Variants in MAGI1 observed in about 807,000 individuals in gnomAD.
The protein encoded by MAGI1 is membrane associated guanylate kinase, WW and PDZ domain containing 1.
Under a neutral mutation model 139.9 loss-of-function variants are expected in MAGI1, and 58 were observed. The observed-to-expected ratio is 0.41, with a 90% CI of 0.34 to 0.52. The LOEUF is 0.52. Among genes scored for constraint, MAGI1 ranks in the 20% least tolerant of loss-of-function variants. The probability of loss-of-function intolerance (pLI) is 0.12; values close to 1 mark genes in which losing one functional copy is unlikely to be tolerated. For missense variants in MAGI1, 1,874 were observed against 1,901.6 expected (o/e 0.99, Z 0.27); for synonymous variants, 812 against 737.9 (o/e 1.10, Z -1.63).
intron 2 of MAGI1, among the ~76,000 whole-genome samples, chr3:65,564,738 TA>T (rs1272388262): frequency 6.6e-6 from 1 of 152,200 alleles, no homozygotes; most frequent in Non-Finnish European, 1.5e-5. Flanking sequence ...AACCTGCAGC[TA>T]GGGTCTTTAG....
chr3:65,389,267 G>C (rs1471723888), intron 14 of MAGI1, among the ~76,000 whole-genome samples: 1 of 151,864 alleles, frequency 6.6e-6, no homozygotes, highest in Non-Finnish European at 1.5e-5. Flanking sequence ...ATTTGATTAA[G>C]TCAAATTCTT....
chr3:65,666,123 T>C (rs2086502977), intron 1 of MAGI1, among the ~76,000 whole-genome samples: 1 of 152,176 alleles, frequency 6.6e-6, no homozygotes, highest in South Asian at 2.1e-4. Context: ...TAATCACAGA[T>C]ACACTGACTC....
At chr3:65,697,135 A>G (rs576240155) in intron 1 of MAGI1, among the ~76,000 whole-genome samples, 1 of 152,266 alleles carries the variant, frequency 6.6e-6, no homozygotes, top group East Asian at 1.9e-4. Flanking sequence ...AGAAATGGAT[A>G]AATTCCTCAA....
intron 1 of MAGI1, among the ~76,000 whole-genome samples, chr3:65,887,785 A>C (rs965230972): frequency 6.6e-6 from 1 of 152,196 alleles, no homozygotes; most frequent in Non-Finnish European, 1.5e-5. Flanking sequence ...TCAAGACCAC[A>C]TGAGGATATG....
chr3:65,673,298 C>G lies in MAGI1; in HGVS notation c.314-51210G>C, dbSNP rs1455601637. ...GATCTGGAGGTGAAGCCTAAAATAA[C>G]TGCCTCAAATTTCCTGATGTCTTAG... On this transcript the variant is annotated intron_variant, in intron 1 of 22. Coordinates refer to ENST00000402939, the MANE Select transcript of MAGI1 (RefSeq NM_001033057.2). Among the ~76,000 whole-genome samples the G allele has an allele frequency of 2.0e-5, 3 of 152,326 alleles. No individual in the cohort carries two copies. In the South Asian group the frequency reaches 6.2e-4, roughly 32 times the overall value.
At chr3:65,858,086 G>A (rs112856194) in intron 1 of MAGI1, among the ~76,000 whole-genome samples, 2,897 of 151,306 alleles carry the variant, frequency 0.019, 42 homozygotes, top group Non-Finnish European at 0.03. Context: ...TCCAGCCTGG[G>A]TGACAGAGAG....
intron 1 of MAGI1, among the ~76,000 whole-genome samples, chr3:65,742,334 G>T (rs1180987649): frequency 6.6e-6 from 1 of 152,104 alleles, no homozygotes; most frequent in Admixed American, 6.5e-5. Context: ...GACAATGAAT[G>T]CATCTTTTTC....
intron 12 of MAGI1, among the ~76,000 whole-genome samples, chr3:65,427,399 TA>T (rs1186595104): frequency 6.6e-6 from 1 of 152,214 alleles, no homozygotes; most frequent in African/African-American, 2.4e-5. Context: ...AATATGGTTC[TA>T]ATACATGTGT....
intron 15 of MAGI1, among the ~76,000 whole-genome samples, chr3:65,382,821 G>A (rs141463587): frequency 3.9e-4 from 60 of 152,254 alleles, no homozygotes; most frequent in African/African-American, 1.3e-3. Flanking sequence ...ATGTGAAAAC[G>A]GGATAAACTG....
rs544348166 is a variant in MAGI1 at position 65,356,854 on chromosome 3, T to C, written c.3913A>G (p.Arg1305Gly). 1 of 1,613,976 alleles carries C rather than the reference T, an allele frequency of 6.2e-7. No individual in the cohort carries two copies. Among genetic ancestry groups the C allele is most frequent in the South Asian group, 1.1e-5 (1 of 91,076 alleles). ...RPKDRAPEGR[R>G]DAQAERAAAA... ...GCCGCGCGCTCGGCCTGCGCGTCCC[T>C]CCGTCCCTCCGGCGCCCGGTCCTTG... The change falls in exon 23 of 23, where the codon AGG becomes GGG. Residue 1305 changes from arginine (R) to glycine (G), a missense_variant. Arg to Gly is a moderately radical substitution (Grantham distance 125, BLOSUM62 -2). This residue lies in a region of MAGI1 where 653 missense variants were observed against 644.5 expected (regional missense o/e 1.01). Transcript: ENST00000402939.
chr3:65,659,217 A>T (rs2086053422), intron 1 of MAGI1, among the ~76,000 whole-genome samples: 1 of 152,194 alleles, frequency 6.6e-6, no homozygotes, highest in Non-Finnish European at 1.5e-5. Flanking sequence ...TGGAGGAAAA[A>T]AAAATGACAT....
At chr3:65,537,305 C>T (rs1175391814) in intron 2 of MAGI1, among the ~76,000 whole-genome samples, 1 of 152,156 alleles carries the variant, frequency 6.6e-6, no homozygotes. Flanking sequence ...CTACAAAGCC[C>T]GTTTTTCTGT....
At chr3:65,805,418 T>C (rs2040790544) in intron 1 of MAGI1, among the ~76,000 whole-genome samples, 2 of 152,216 alleles carry the variant, frequency 1.3e-5, no homozygotes, top group South Asian at 2.1e-4. Flanking sequence ...GAATGGCAAT[T>C]ATTAAAAAGT....
intron 1 of MAGI1, among the ~76,000 whole-genome samples, chr3:65,849,007 T>C (rs1049980370): frequency 2.4e-3 from 156 of 64,086 alleles, no homozygotes; most frequent in Admixed American, 3.4e-3. Context: ...CATTCTTTTT[T>C]TTTTTTTTTT....
intron 1 of MAGI1, 87 bp from the exon 2 acceptor site, chr3:65,622,175 A>T (rs2083709215): frequency 1.1e-6 from 1 of 947,452 alleles, no homozygotes; most frequent in Non-Finnish European, 1.7e-6. Context: ...CAAGAAAGCC[A>T]CAGGATGCAG....
chr3:65,441,814 T>C (rs1434894886), intron 8 of MAGI1, among the ~76,000 whole-genome samples: 2 of 152,164 alleles, frequency 1.3e-5, no homozygotes, highest in African/African-American at 4.8e-5. Flanking sequence ...GGACACTTGC[T>C]ATATTGAACT....
chr3:65,936,483 C>CA (rs1158198611), intron 1 of MAGI1, among the ~76,000 whole-genome samples: 1 of 151,550 alleles, frequency 6.6e-6, no homozygotes, highest in African/African-American at 2.4e-5. Flanking sequence ...ACTAAAAATA[C>CA]AAAAATTAGC....
intron 9 of MAGI1, among the ~76,000 whole-genome samples, chr3:65,438,413 T>C (rs1188712760): frequency 6.6e-6 from 1 of 152,190 alleles, no homozygotes; most frequent in South Asian, 2.1e-4. Flanking sequence ...AATTACTTAA[T>C]GGGTACAATG....
At chr3:65,512,450 A>G (rs868471434) in intron 2 of MAGI1, among the ~76,000 whole-genome samples, 5,973 of 146,838 alleles carry the variant, frequency 0.041, 239 homozygotes, top group African/African-American at 0.14. Context: ...TCAAATAGAC[A>G]CAATAAAAAA....
Sources: gnomAD v4.1 joint callset for allele counts (sites outside exome capture counted in the v4.1 genomes callset) on GRCh38, gnomAD v4.1.1 for gene constraint, gnomAD v4.1.1 regional missense constraint, MANE v1.5 for transcripts, NCBI Gene and HGNC (gene_info 2026-07-23, HGNC 2026-07-21) for gene names.